Variants in CADM2 observed in about 807,000 individuals in gnomAD.
The protein encoded by CADM2 is cell adhesion molecule 2, also known as immunoglobulin superfamily member 4D.
CADM2 carries 12 observed loss-of-function variants against 49.8 expected under a neutral mutation model. That is an observed-to-expected ratio of 0.24 (90% CI 0.15 to 0.39). The LOEUF (loss-of-function observed/expected upper bound fraction) is 0.39, where lower values mean the gene tolerates loss of function less well. CADM2 is among the 10% of genes least tolerant of loss of function. The probability of loss-of-function intolerance (pLI) is 1.00; values close to 1 mark genes in which losing one functional copy is unlikely to be tolerated. For missense variants in CADM2, 378 were observed against 492.3 expected (o/e 0.77, Z 2.20); for synonymous variants, 214 against 175.4 (o/e 1.22, Z -1.74).
chr3:85,986,930 A>G (rs1159869431), intron 8 of CADM2, among the ~76,000 whole-genome samples: 2 of 152,060 alleles, frequency 1.3e-5, no homozygotes, highest in African/African-American at 2.4e-5. Context: ...AATAGTTGCA[A>G]TGTATCAAGT....
At chr3:85,876,723 C>T (rs1472437907) in intron 3 of CADM2, among the ~76,000 whole-genome samples, 2 of 152,068 alleles carry the variant, frequency 1.3e-5, no homozygotes, top group Non-Finnish European at 2.9e-5. Flanking sequence ...GGAAAGAAAA[C>T]TATGAATGTA....
chr3:85,697,536 G>GA (rs1162708944), intron 1 of CADM2, among the ~76,000 whole-genome samples: 1 of 152,042 alleles, frequency 6.6e-6, no homozygotes, highest in African/African-American at 2.4e-5. Context: ...TAAAGGTAAA[G>GA]AAAAAATATG....
chr3:86,004,480 G>A (rs1420749847), intron 8 of CADM2, among the ~76,000 whole-genome samples: 1 of 152,170 alleles, frequency 6.6e-6, no homozygotes, highest in Non-Finnish European at 1.5e-5. Context: ...CAGTGAGGGC[G>A]CCAAACTCTG....
intron 8 of CADM2, among the ~76,000 whole-genome samples, chr3:85,965,144 A>T (rs892841436): frequency 6.6e-6 from 1 of 151,380 alleles, no homozygotes; most frequent in Non-Finnish European, 1.5e-5. Flanking sequence ...GACACAAAAT[A>T]GAAGAGTTAT....
At chr3:85,845,202 T>G (rs1438261294) in intron 3 of CADM2, among the ~76,000 whole-genome samples, 1 of 148,974 alleles carries the variant, frequency 6.7e-6, no homozygotes, top group Non-Finnish European at 1.5e-5. Context: ...AAAGAAAAAC[T>G]TGTAGGCACC....
At chr3:85,779,452 G>A (rs2070522942) in intron 2 of CADM2, among the ~76,000 whole-genome samples, 1 of 152,120 alleles carries the variant, frequency 6.6e-6, no homozygotes, top group African/African-American at 2.4e-5. Context: ...GTTCAGCATG[G>A]TCGGGAGGCC....
intron 1 of CADM2, among the ~76,000 whole-genome samples, chr3:85,181,241 C>A (rs2107704565): frequency 6.6e-6 from 1 of 152,160 alleles, no homozygotes; most frequent in South Asian, 2.1e-4. Flanking sequence ...TAACTTAAAT[C>A]TTTTATGTGA....
chr3:85,968,534 A>C lies in CADM2; in HGVS notation c.970+6887A>C, dbSNP rs545581163. ...AGATGAATCACAGAATGAAATGTAC[A>C]TAGGAAAAAACCGTCATTCCTGCCT... On this transcript the variant is annotated intron_variant, in intron 8 of 9. Transcript: ENST00000383699. Among the ~76,000 whole-genome samples the C allele has an allele frequency of 3.3e-5, 5 of 151,806 alleles. No individual in the cohort carries two copies. The South Asian group carries it at 1.0e-3, about 31-fold the overall frequency.
intron 1 of CADM2, among the ~76,000 whole-genome samples, chr3:85,574,646 C>T (rs1388279942): frequency 1.3e-5 from 2 of 151,834 alleles, no homozygotes; most frequent in East Asian, 1.9e-4. Flanking sequence ...TCAAATGAAC[C>T]GAAGTAAAAC....
intron 1 of CADM2, among the ~76,000 whole-genome samples, chr3:85,057,416 G>A (rs2036124089): frequency 6.6e-6 from 1 of 151,930 alleles, no homozygotes; most frequent in African/African-American, 2.4e-5. Context: ...CATCAGGACA[G>A]TCATAAAAAT....
At chr3:85,774,701 G>T (rs745703084) in intron 2 of CADM2, among the ~76,000 whole-genome samples, 1 of 151,272 alleles carries the variant, frequency 6.6e-6, no homozygotes, top group South Asian at 2.1e-4. Context: ...TTTACTGAAA[G>T]ATTATGAAGT....
At chr3:85,691,404 G>T (rs997560949) in intron 1 of CADM2, among the ~76,000 whole-genome samples, 5 of 152,018 alleles carry the variant, frequency 3.3e-5, no homozygotes, top group African/African-American at 9.7e-5. Context: ...TAAACATTTC[G>T]CAATATTCTT....
At chr3:86,005,057 G>A (rs1037326232) in intron 8 of CADM2, among the ~76,000 whole-genome samples, 3 of 152,042 alleles carry the variant, frequency 2.0e-5, no homozygotes, top group African/African-American at 7.2e-5. Context: ...TCCATTTATT[G>A]TTACTGCTTT....
In CADM2 at chr3:85,802,150, G is replaced by A. The variant is rs775199366; in HGVS notation, c.192G>A (p.Gln64=). 1.2e-6 allele frequency: 2 copies of A among 1,613,070 alleles called. No homozygotes were observed. The highest frequency in any genetic ancestry group is 4.5e-5 in the East Asian group (2 of 44,768). ...ATCAAAATGATAACACCTCCCTCCA[G>A]TGGTCAAATCCAGCTCAACAGACTC... The part of the protein sequence containing the change: ...RVDQNDNTSL[Q]WSNPAQQTLY... The change falls in exon 3 of 10, where the codon CAG becomes CAA. Residue 64 remains glutamine (Q), a synonymous_variant. Transcript: ENST00000383699.
intron 1 of CADM2, among the ~76,000 whole-genome samples, chr3:85,228,563 ACAGT>A (rs2042212699): frequency 6.6e-6 from 1 of 151,658 alleles, no homozygotes; most frequent in Non-Finnish European, 1.5e-5. Flanking sequence ...TTTCTTTCTA[ACAGT>A]CAGGCCCCTC....
intron 1 of CADM2, among the ~76,000 whole-genome samples, chr3:85,127,255 T>C (rs1342010184): frequency 6.6e-6 from 1 of 152,216 alleles, no homozygotes; most frequent in East Asian, 1.9e-4. Flanking sequence ...TTCCTTTGAA[T>C]AATACTGTGC....
At chr3:85,021,284 G>T (rs1041542890) in intron 1 of CADM2, among the ~76,000 whole-genome samples, 2 of 152,060 alleles carry the variant, frequency 1.3e-5, no homozygotes, top group African/African-American at 2.4e-5. Flanking sequence ...GACATGCATT[G>T]CCAATTTTAG....
At chr3:85,065,719 C>T (rs982958465) in intron 1 of CADM2, among the ~76,000 whole-genome samples, 13 of 152,110 alleles carry the variant, frequency 8.5e-5, no homozygotes, top group Admixed American at 7.9e-4. Context: ...GTAACCTGGG[C>T]CATATAATGT....
At chr3:85,117,228 G>GA (rs767054251) in intron 1 of CADM2, among the ~76,000 whole-genome samples, 2 of 136,212 alleles carry the variant, frequency 1.5e-5, no homozygotes, top group Non-Finnish European at 3.2e-5. Context: ...CTCAAAAAAA[G>GA]AAAAAAAAGA....
Sources: gnomAD v4.1 joint callset for allele counts (sites outside exome capture counted in the v4.1 genomes callset) on GRCh38, gnomAD v4.1.1 for gene constraint, MANE v1.5 for transcripts, NCBI Gene and HGNC (gene_info 2026-07-23, HGNC 2026-07-21) for gene names.